The following CEP128 variants were observed in gnomAD, a reference collection of about 807,000 sequenced individuals.
The protein encoded by CEP128 is centrosomal protein 128, also known as centrosomal protein 128kDa.
Under a neutral mutation model 156.7 loss-of-function variants are expected in CEP128, and 132 were observed. The ratio of observed to expected loss-of-function variants is 0.84; its 90% CI spans 0.73 to 0.97. The LOEUF (loss-of-function observed/expected upper bound fraction) is 0.97. CEP128 is among the 50% of genes least tolerant of loss of function. CEP128 has a pLI of 0.00. For synonymous variants in CEP128, 469 were observed against 448.9 expected, an observed-to-expected ratio of 1.04 and a Z score of -0.57; for missense variants, 1,252 against 1,281.9, an observed-to-expected ratio of 0.98 and a Z score of 0.36.
intron 19 of CEP128, among the ~76,000 whole-genome samples, chr14:80,634,146 A>G (rs1894083584): frequency 6.6e-6 from 1 of 152,188 alleles, no homozygotes; most frequent in African/African-American, 2.4e-5. Context: ...TTACTATAAG[A>G]TTTAAGTTTA....
chr14:80,508,024 C>T lies in CEP128; in HGVS notation c.3073-3004G>A, dbSNP rs983430685. Among the ~76,000 whole-genome samples the T allele has an allele frequency of 7.9e-5, 12 of 152,214 alleles. 1 individual carries two copies. Among genetic ancestry groups the T allele is most frequent in the Non-Finnish European group, 1.3e-4 (9 of 68,040 alleles). On this transcript the variant is annotated intron_variant, in intron 23 of 24. Transcript: ENST00000555265. ...CTGCCTCCCAGGTTCAAGCGATCCT[C>T]CTGCCTCAGCCCCCGCTAGTAGCTG... is the stretch of plus-strand genomic sequence containing the variant.
chr14:80,647,037 GTATATATATATA>G (rs60895994), intron 19 of CEP128, among the ~76,000 whole-genome samples: 855 of 69,512 alleles, frequency 0.012, 16 homozygotes, highest in African/African-American at 0.021. Context: ...ATGTGTGCAT[GTATATATATATA>G]TATATATATA....
At chr14:80,559,214 G>T in intron 21 of CEP128, 65 bp downstream of exon 21, 1 of 1,381,936 alleles carries the variant, frequency 7.2e-7, no homozygotes, top group Non-Finnish European at 1.0e-6. Flanking sequence ...TTGGTGTGCT[G>T]TGAAATCCAC....
chr14:80,722,194 G>T (rs1427809227), intron 19 of CEP128, among the ~76,000 whole-genome samples: 1 of 152,216 alleles, frequency 6.6e-6, no homozygotes, highest in Admixed American at 6.5e-5. Context: ...CAGTGTGTGG[G>T]GGTGGCCTGA....
In CEP128 at chr14:80,777,946, T is replaced by TA; in HGVS notation, c.2311_2312insT (p.Asn771IlefsTer2). 6.2e-7 allele frequency: 1 copy of TA among 1,613,190 alleles called. No homozygotes were observed. Among genetic ancestry groups the TA allele is most frequent in the Non-Finnish European group, 8.5e-7 (1 of 1,179,400 alleles). On this transcript the variant is annotated frameshift_variant, in exon 16 of 25. Coordinates refer to ENST00000555265, the MANE Select transcript of CEP128 (RefSeq NM_152446.5). LOFTEE classifies it high-confidence loss of function. ...CTTCAGTTTTTTGTTCTCATTTTCA[T>TA]TCTGGGTTAATTCCTCTGTCAGTCT...
At chr14:80,493,900 C>T (rs560684424), downstream of CEP128, among the ~76,000 whole-genome samples, 16 of 152,316 alleles carry the variant, frequency 1.1e-4, no homozygotes, top group African/African-American at 3.8e-4. Context: ...CACCAAAGAG[C>T]AGATTGGTTT....
intron 19 of CEP128, among the ~76,000 whole-genome samples, chr14:80,706,542 A>G (rs1458782801): frequency 2.0e-5 from 3 of 152,000 alleles, no homozygotes; most frequent in African/African-American, 7.2e-5. Context: ...CTGTTGCCCT[A>G]TTAGTAAGCT....
At chr14:80,737,076 A>G (rs1898568015) in intron 19 of CEP128, among the ~76,000 whole-genome samples, 1 of 152,230 alleles carries the variant, frequency 6.6e-6, no homozygotes, top group Non-Finnish European at 1.5e-5. Context: ...AGCGGGCATA[A>G]TTTTTTAAAA....
intron 19 of CEP128, among the ~76,000 whole-genome samples, chr14:80,643,808 C>T (rs1008088491): frequency 3.3e-5 from 5 of 152,132 alleles, no homozygotes; most frequent in African/African-American, 1.2e-4. Flanking sequence ...CAGAAATAAA[C>T]ATACTCCAAG....
chr14:80,840,436 T>A (rs1047421363), intron 10 of CEP128, among the ~76,000 whole-genome samples: 4 of 152,076 alleles, frequency 2.6e-5, no homozygotes, highest in African/African-American at 9.7e-5. Context: ...CAAGAAAAAG[T>A]AAAGTTTAAT....
chr14:80,910,428 TAGTG>T (rs1336733728), intron 4 of CEP128, among the ~76,000 whole-genome samples: 1 of 152,132 alleles, frequency 6.6e-6, no homozygotes, highest in East Asian at 1.9e-4. Context: ...TGGTACTGTA[TAGTG>T]AGTGAGTTAT....
At chr14:80,765,760 C>T (rs937009989) in intron 16 of CEP128, among the ~76,000 whole-genome samples, 1 of 152,084 alleles carries the variant, frequency 6.6e-6, no homozygotes, top group Non-Finnish European at 1.5e-5. Flanking sequence ...AATAAACCAA[C>T]CCCTAATTTT....
At chr14:80,547,319 T>C (rs1275664764) in intron 21 of CEP128, among the ~76,000 whole-genome samples, 2 of 152,224 alleles carry the variant, frequency 1.3e-5, no homozygotes, top group African/African-American at 4.8e-5. Context: ...TGAGATTTGA[T>C]TGCAAATTTT....
chr14:80,573,093 T>TTC, intron 20 of CEP128, among the ~76,000 whole-genome samples: 1 of 151,556 alleles, frequency 6.6e-6, no homozygotes, highest in East Asian at 2.0e-4. Context: ...TGACTAATTT[T>TTC]TTTTTTTTTT....
intron 19 of CEP128, among the ~76,000 whole-genome samples, chr14:80,651,721 G>A (rs1355331192): frequency 6.6e-6 from 1 of 152,028 alleles, no homozygotes; most frequent in Non-Finnish European, 1.5e-5. Context: ...ATATAGTTGT[G>A]TTGTTTTGAG....
intron 23 of CEP128, among the ~76,000 whole-genome samples, chr14:80,514,518 T>A (rs1888401076): frequency 6.6e-6 from 1 of 152,192 alleles, no homozygotes; most frequent in South Asian, 2.1e-4. Context: ...CTCTGATGCA[T>A]TCTTCAGTAT....
chr14:80,831,023 A>T, intron 13 of CEP128, 120 bp downstream of exon 13: 6 of 845,712 alleles, frequency 7.1e-6, no homozygotes, highest in Non-Finnish European at 1.2e-5. Flanking sequence ...ATAACTTTAT[A>T]TTATCAATGC....
intron 1 of CEP128, among the ~76,000 whole-genome samples, chr14:80,958,573 A>T (rs1566736724): frequency 1.3e-5 from 2 of 152,204 alleles, no homozygotes; most frequent in Non-Finnish European, 2.9e-5. Context: ...AAAGGAAAGA[A>T]GAAGGAAGGA....
intron 18 of CEP128, among the ~76,000 whole-genome samples, chr14:80,750,757 C>T (rs954310095): frequency 6.6e-6 from 1 of 152,078 alleles, no homozygotes; most frequent in African/African-American, 2.4e-5. Flanking sequence ...GGGGAAAAAA[C>T]AAAACAATAA....
Sources: gnomAD v4.1 joint callset for allele counts (sites outside exome capture counted in the v4.1 genomes callset) on GRCh38, gnomAD v4.1.1 for gene constraint, MANE v1.5 for transcripts, NCBI Gene and HGNC (gene_info 2026-07-23, HGNC 2026-07-21) for gene names.